HLF: variants seen among roughly 807,000 people sequenced by gnomAD.
HLF encodes hepatic leukemia factor.
HLF carries 3 observed loss-of-function variants against 22.6 expected under a neutral mutation model. The observed-to-expected ratio is 0.13, with a 90% CI of 0.06 to 0.34. HLF has a LOEUF of 0.34. Among genes scored for constraint, HLF ranks in the 10% least tolerant of loss-of-function variants. The pLI is 1.00. For missense variants in HLF, 299 were observed against 389.2 expected, an observed-to-expected ratio of 0.77 and a Z score of 1.95; for synonymous variants, 151 against 151.8, an observed-to-expected ratio of 0.99 and a Z score of 0.04.
intron 2 of HLF, among the ~76,000 whole-genome samples, chr17:55,268,662 T>C (rs780807708): frequency 4.6e-5 from 7 of 152,206 alleles, no homozygotes; most frequent in African/African-American, 1.2e-4. Context: ...GGCTCTCATA[T>C]TGTGTTTCTG....
At chr17:55,299,504 G>A (rs1027311869) in intron 2 of HLF, among the ~76,000 whole-genome samples, 5 of 152,154 alleles carry the variant, frequency 3.3e-5, no homozygotes, top group Admixed American at 6.5e-5. Context: ...GCAAAAGGAA[G>A]CACCTATGTT....
At chr17:55,313,243 A>T (rs1904916086) in intron 2 of HLF, among the ~76,000 whole-genome samples, 1 of 152,196 alleles carries the variant, frequency 6.6e-6, no homozygotes, top group South Asian at 2.1e-4. Flanking sequence ...TCATTAAATG[A>T]GGAGCAGTCT....
Position 55,322,779 on chromosome 17 carries a change from C to A in HLF, c.*1900C>A, listed in dbSNP as rs553454319. The A allele has an allele frequency of 6.2e-5, 14 of 226,206 alleles. No homozygotes were observed. The highest frequency in any genetic ancestry group is 1.1e-4 in the Non-Finnish European group (13 of 113,462). 14.0% of individuals were successfully genotyped at this position (226,206 alleles called of 1,614,324 possible). A position where few individuals can be genotyped will look rare whatever the true frequency, so the allele number is the denominator to read the frequency against. Reference sequence around the variant, plus strand: ...AGTTCCTGGAATGGCACGTTGCTGCCAGTGCCCCAGACAGTTCTTTTCTAC... The same window carrying A: ...AGTTCCTGGAATGGCACGTTGCTGCAAGTGCCCCAGACAGTTCTTTTCTAC... On this transcript the variant is annotated 3_prime_UTR_variant, in exon 4 of 4. Coordinates refer to ENST00000226067, the MANE Select transcript of HLF (RefSeq NM_002126.5).
intron 2 of HLF, chr17:55,273,401 C>A (rs999428677): frequency 2.0e-5 from 3 of 152,208 alleles, no homozygotes; most frequent in African/African-American, 7.2e-5. Context: ...ACTGGATTCC[C>A]AATCCCTGTT....
At chr17:55,296,639 A>G (rs1014211851) in intron 2 of HLF, among the ~76,000 whole-genome samples, 4 of 152,144 alleles carry the variant, frequency 2.6e-5, no homozygotes, top group African/African-American at 9.7e-5. Context: ...GCTATAATTT[A>G]CTTAACAATG....
At chr17:55,310,357 A>G (rs183458065) in intron 2 of HLF, among the ~76,000 whole-genome samples, 1 of 152,358 alleles carries the variant, frequency 6.6e-6, no homozygotes, top group East Asian at 1.9e-4. Flanking sequence ...ACAGGAGAAA[A>G]AATGGCATGA....
In HLF at chr17:55,321,230, C is replaced by G. The variant is rs984208864; in HGVS notation, c.*351C>G. On this transcript the variant is annotated 3_prime_UTR_variant, in exon 4 of 4. Transcript: ENST00000226067. Reference sequence around the variant, plus strand: ...CTTCACTCCTGCCTCCTCAGCTTTGCTTCATGTTCGAGCTTACCTACTCTT... The same window carrying G: ...CTTCACTCCTGCCTCCTCAGCTTTGGTTCATGTTCGAGCTTACCTACTCTT... 7.0e-6 allele frequency: 2 copies of G among 285,194 alleles called. No homozygotes were observed. Among genetic ancestry groups the G allele is most frequent in the African/African-American group, 4.2e-5 (2 of 47,218 alleles). 17.7% of individuals were successfully genotyped at this position (285,194 alleles called of 1,614,324 possible). A position where few individuals can be genotyped will look rare whatever the true frequency, so the allele number is the denominator to read the frequency against.
intron 2 of HLF, among the ~76,000 whole-genome samples, chr17:55,288,513 G>T (rs1012546106): frequency 6.6e-6 from 1 of 151,964 alleles, no homozygotes; most frequent in Non-Finnish European, 1.5e-5. Context: ...CTATAATCCC[G>T]GCACTTTGGG....
intron 2 of HLF, among the ~76,000 whole-genome samples, chr17:55,299,846 T>C (rs1009130752): frequency 1.3e-5 from 2 of 151,944 alleles, no homozygotes; most frequent in African/African-American, 4.8e-5. Context: ...CCTTCTTCTT[T>C]GTTAAGAGAC....
intron 2 of HLF, among the ~76,000 whole-genome samples, chr17:55,298,598 G>T (rs913547857): frequency 1.3e-5 from 2 of 152,186 alleles, no homozygotes; most frequent in African/African-American, 2.4e-5. Flanking sequence ...CTAAGAAATT[G>T]TCTGGTCTAG....
In HLF at chr17:55,265,504, C is replaced by A; in HGVS notation, c.20C>A (p.Pro7Gln). The A allele has an allele frequency of 1.2e-6, 2 of 1,607,364 alleles. No homozygotes were observed. Among genetic ancestry groups the A allele is most frequent in the African/African-American group, 2.7e-5 (2 of 74,350 alleles). The change falls in exon 1 of 4, where the codon CCG (proline) becomes CAG (glutamine). Residue 7 changes from proline (P) to glutamine (Q), a missense_variant. Transcript: ENST00000226067. The part of the protein sequence containing the change: MEKMSR[P>Q]LPLNPTFIPP... Reference sequence around the variant, plus strand: ...ATCGCGATGGAGAAAATGTCCCGACCGCTCCCCCTGAATCCCACCTTTATC... The same window carrying A: ...ATCGCGATGGAGAAAATGTCCCGACAGCTCCCCCTGAATCCCACCTTTATC...
At chr17:55,308,234 G>C (rs1904672378) in intron 2 of HLF, among the ~76,000 whole-genome samples, 1 of 152,252 alleles carries the variant, frequency 6.6e-6, no homozygotes, top group Admixed American at 6.5e-5. Context: ...AAAAGTTGCA[G>C]TAGTTCAGAG....
chr17:55,308,988 G>T (rs1904708935), intron 2 of HLF, among the ~76,000 whole-genome samples: 1 of 152,196 alleles, frequency 6.6e-6, no homozygotes, highest in South Asian at 2.1e-4. Flanking sequence ...CAGAAAAGGG[G>T]CAGAAACATG....
At chr17:55,285,250 C>T (rs1359085831) in intron 2 of HLF, among the ~76,000 whole-genome samples, 4 of 152,166 alleles carry the variant, frequency 2.6e-5, no homozygotes, top group Non-Finnish European at 2.9e-5. Flanking sequence ...GGAATGGTCT[C>T]AGTTTTGAGA....
chr17:55,317,051 T>C (rs1035577315), intron 3 of HLF, among the ~76,000 whole-genome samples: 14 of 143,608 alleles, frequency 9.7e-5, no homozygotes, highest in Non-Finnish European at 2.1e-4. Context: ...CACTGCAAGC[T>C]CCGCCTCCCC....
chr17:55,319,609 A>G (rs9895210), intron 3 of HLF, among the ~76,000 whole-genome samples: 21,696 of 152,156 alleles, frequency 0.14, 1,677 homozygotes, highest in Non-Finnish European at 0.17. Flanking sequence ...ACCACAGTAA[A>G]ATATTACTCA....
chr17:55,304,164 G>A (rs1405589564), intron 2 of HLF, among the ~76,000 whole-genome samples: 1 of 152,094 alleles, frequency 6.6e-6, no homozygotes, highest in Non-Finnish European at 1.5e-5. Flanking sequence ...GTTCATTTCT[G>A]GTCACCCTAT....
chr17:55,270,256 T>C (rs1373837601), intron 2 of HLF, among the ~76,000 whole-genome samples: 1 of 152,222 alleles, frequency 6.6e-6, no homozygotes, highest in East Asian at 1.9e-4. Flanking sequence ...TTTTAAATAA[T>C]GGAAACACAC....
chr17:55,298,331 C>G (rs1042012105), intron 2 of HLF, among the ~76,000 whole-genome samples: 26 of 152,220 alleles, frequency 1.7e-4, no homozygotes, highest in African/African-American at 6.3e-4. Flanking sequence ...TTATATAGGT[C>G]CTGGTGGGCA....
Sources: allele counts gnomAD v4.1 joint callset (sites outside exome capture counted in the v4.1 genomes callset), GRCh38; gene constraint gnomAD v4.1.1; transcripts MANE v1.5; gene names NCBI Gene and HGNC (gene_info 2026-07-23, HGNC 2026-07-21).